Variants in LOXHD1 observed in about 807,000 individuals in gnomAD.
LOXHD1 encodes lipoxygenase homology domain-containing protein 1.
Under a neutral mutation model 248.2 loss-of-function variants are expected in LOXHD1, and 205 were observed. The observed-to-expected ratio is 0.83, with a 90% CI of 0.74 to 0.93. The LOEUF is 0.93. Among genes scored for constraint, LOXHD1 ranks in the 40% least tolerant of loss-of-function variants. LOXHD1 has a pLI of 0.00. For missense variants in LOXHD1, 2,930 were observed against 2,971.6 expected (o/e 0.99, Z 0.33); for synonymous variants, 1,113 against 1,162.8 (o/e 0.96, Z 0.87).
chr18:46,519,162 T>C (rs2144099204), intron 33 of LOXHD1: 2 of 913,836 alleles, frequency 2.2e-6, no homozygotes, highest in South Asian at 5.0e-5. Context: ...CCCTTCCTTC[T>C]CACCAAGTGC....
At chr18:46,626,429 T>C (rs1346020044) in intron 4 of LOXHD1, among the ~76,000 whole-genome samples, 2 of 152,132 alleles carry the variant, frequency 1.3e-5, no homozygotes, top group East Asian at 3.8e-4. Context: ...TCCCAGCTAC[T>C]TGGGAGGCTG....
chr18:46,513,342 G>A (rs189783669), intron 34 of LOXHD1, among the ~76,000 whole-genome samples: 11 of 152,276 alleles, frequency 7.2e-5, no homozygotes, highest in Admixed American at 6.5e-4. Flanking sequence ...AAAGATATCC[G>A]TGTTCTAAAT....
chr18:46,481,845 C>G (rs1183577103), intron 40 of LOXHD1, among the ~76,000 whole-genome samples: 1 of 152,198 alleles, frequency 6.6e-6, no homozygotes, highest in African/African-American at 2.4e-5. Flanking sequence ...TCCTTTCCTC[C>G]TAAGACAGGA....
chr18:46,569,873 G>T (rs1419756854), intron 15 of LOXHD1, among the ~76,000 whole-genome samples: 1 of 152,218 alleles, frequency 6.6e-6, no homozygotes, highest in Non-Finnish European at 1.5e-5. Context: ...TTCTCTGTCT[G>T]CTCCAGAAGG....
At chr18:46,620,890 G>A (rs925975045) in intron 4 of LOXHD1, among the ~76,000 whole-genome samples, 1 of 152,286 alleles carries the variant, frequency 6.6e-6, no homozygotes, top group African/African-American at 2.4e-5. Flanking sequence ...GAACGCACAC[G>A]GGACTTTGGG....
chr18:46,482,853 G>A (rs1197803549), intron 40 of LOXHD1, among the ~76,000 whole-genome samples: 1 of 152,210 alleles, frequency 6.6e-6, no homozygotes, highest in African/African-American at 2.4e-5. Flanking sequence ...GGCCCTGTGA[G>A]CTATGTACTC....
chr18:46,479,565 C>A, intron 40 of LOXHD1, among the ~76,000 whole-genome samples: 1 of 152,076 alleles, frequency 6.6e-6, no homozygotes, highest in East Asian at 1.9e-4. Context: ...CTACCCAGAT[C>A]TTGATTTTCC....
intron 13 of LOXHD1, 34 bp from the exon 14 acceptor site, chr18:46,577,901 G>A: frequency 6.4e-7 from 1 of 1,550,810 alleles, no homozygotes. Context: ...CAGTTAGACA[G>A]TGGCTACCCC....
chr18:46,524,934 T>A lies in LOXHD1; in HGVS notation c.4531-17A>T, dbSNP rs1289286250. The A allele has an allele frequency of 1.1e-5, 17 of 1,551,136 alleles. No individual in the cohort carries two copies. In the Admixed American group the frequency reaches 3.3e-4, roughly 30 times the overall value. ...GGTGTCAGCCTGGGGAGCCCAGATG[T>A]GGGGACTCATATGGGGGTGTGCCAC... On this transcript the variant is annotated splice_polypyrimidine_tract_variant and intron_variant, in intron 29 of 40. Coordinates refer to ENST00000642948, the MANE Select transcript of LOXHD1 (RefSeq NM_001384474.1).
At chr18:46,656,165 A>T (rs889383589) in intron 1 of LOXHD1, among the ~76,000 whole-genome samples, 5 of 152,206 alleles carry the variant, frequency 3.3e-5, no homozygotes, top group African/African-American at 1.2e-4. Context: ...ACCTAGTATG[A>T]GATGACAGGG....
rs970896241 is a variant in LOXHD1, at chr18:46,604,241, A to G, written c.760-12T>C. 6.4e-7 allele frequency: 1 copy of G among 1,551,448 alleles called. No individual in the cohort carries two copies. Among genetic ancestry groups the G allele is most frequent in the Admixed American group, 2.0e-5 (1 of 50,968 alleles). ...TCTTCAATGACTATCTGGGAAGGAG[A>G]AGAGGGGACAAGGATGTAGATAAGT... On this transcript the variant is annotated splice_polypyrimidine_tract_variant and intron_variant, in intron 6 of 40. Coordinates refer to ENST00000642948, the MANE Select transcript of LOXHD1 (RefSeq NM_001384474.1).
intron 12 of LOXHD1, 52 bp downstream of exon 12, chr18:46,591,881 A>T (rs1032752305): frequency 6.5e-7 from 1 of 1,548,580 alleles, no homozygotes; most frequent in East Asian, 2.4e-5. Flanking sequence ...CCATCGGGAC[A>T]CCAAGCAGGA....
At chr18:46,526,881 A>G (rs1163854581) in intron 29 of LOXHD1, among the ~76,000 whole-genome samples, 1 of 152,166 alleles carries the variant, frequency 6.6e-6, no homozygotes, top group African/African-American at 2.4e-5. Context: ...CTGGCAATTG[A>G]TTGGATGTGG....
chr18:46,500,611 G>A lies in LOXHD1; in HGVS notation c.5878+5227C>T, dbSNP rs541557584. 1.2e-4 allele frequency among the ~76,000 whole-genome samples: 18 copies of A among 152,170 alleles called. No homozygotes were observed. In the South Asian group the frequency reaches 1.2e-3, roughly 11 times the overall value. ...CAATGATCTTCTCTGAGTGATTCCCGTTCTTGAGACGCTTTGATGGCTTCT... is the reference window on the plus strand; with the variant it reads ...CAATGATCTTCTCTGAGTGATTCCCATTCTTGAGACGCTTTGATGGCTTCT... On this transcript the variant is annotated intron_variant, in intron 37 of 40. Coordinates refer to ENST00000642948, the MANE Select transcript of LOXHD1 (RefSeq NM_001384474.1).
intron 4 of LOXHD1, among the ~76,000 whole-genome samples, chr18:46,628,977 G>T (rs72915425): frequency 0.12 from 18,208 of 152,178 alleles, 1,182 homozygotes; most frequent in Middle Eastern, 0.18. Context: ...CATGGTGGGG[G>T]ACTATCTTGA....
At chr18:46,497,265 A>G (rs188301982) in intron 37 of LOXHD1, among the ~76,000 whole-genome samples, 4 of 152,216 alleles carry the variant, frequency 2.6e-5, no homozygotes, top group Admixed American at 6.5e-5. Context: ...AGCTCTTTGG[A>G]GAGGCTGGCA....
At chr18:46,581,263 C>T (rs1055065089) in intron 12 of LOXHD1, among the ~76,000 whole-genome samples, 23 of 152,086 alleles carry the variant, frequency 1.5e-4, no homozygotes, top group Admixed American at 1.4e-3. Flanking sequence ...AGTTTGGATG[C>T]TAAGTCTAAA....
intron 28 of LOXHD1, among the ~76,000 whole-genome samples, chr18:46,531,578 C>T (rs1195054672): frequency 7.4e-6 from 1 of 135,230 alleles, no homozygotes; most frequent in African/African-American, 2.9e-5. Context: ...CTCACTCCCC[C>T]TTTCTGCTTT....
chr18:46,612,700 A>G (rs1455537039), intron 5 of LOXHD1, among the ~76,000 whole-genome samples: 2 of 151,974 alleles, frequency 1.3e-5, no homozygotes, highest in African/African-American at 4.8e-5. Context: ...TTAAAAAGAT[A>G]CTCCTTTAGA....
Sources: gnomAD v4.1 joint callset for allele counts (sites outside exome capture counted in the v4.1 genomes callset) on GRCh38, gnomAD v4.1.1 for gene constraint, MANE v1.5 for transcripts, NCBI Gene and HGNC (gene_info 2026-07-23, HGNC 2026-07-21) for gene names.